Variants in CAST observed in about 807,000 individuals in gnomAD.
The protein encoded by CAST is MIR583 host.
CAST carries 76 observed loss-of-function variants against 119.6 expected under a neutral mutation model. The observed-to-expected ratio is 0.64, with a 90% CI of 0.53 to 0.77. The LOEUF is 0.77. Among genes scored for constraint, CAST ranks in the 30% least tolerant of loss-of-function variants. The pLI is 0.00. For missense variants in CAST, 953 were observed against 946.5 expected, an observed-to-expected ratio of 1.01 and a Z score of -0.09; for synonymous variants, 319 against 331.6, an observed-to-expected ratio of 0.96 and a Z score of 0.41.
At chr5:96,159,604 T>C in the CAST span, among the ~76,000 whole-genome samples, 1 of 152,174 alleles carries the variant, frequency 6.6e-6, no homozygotes, top group Admixed American at 6.5e-5. Flanking sequence ...ATAATGCAGA[T>C]TTTTGTTTTT....
At chr5:96,512,420 A>C in the CAST span, among the ~76,000 whole-genome samples, 12 of 152,362 alleles carry the variant, frequency 7.9e-5, no homozygotes, top group South Asian at 2.5e-3. Context: ...GCTCTAAGAC[A>C]TAAGTCCTAG....
At chr5:96,426,669 G>A in the CAST span, among the ~76,000 whole-genome samples, 1 of 152,154 alleles carries the variant, frequency 6.6e-6, no homozygotes, top group Non-Finnish European at 1.5e-5. Flanking sequence ...TATTCATTAT[G>A]AGATAATTCT....
the CAST span, among the ~76,000 whole-genome samples, chr5:96,360,165 C>T: frequency 1.3e-5 from 2 of 151,910 alleles, no homozygotes; most frequent in African/African-American, 4.8e-5. Flanking sequence ...AGTTCTCATG[C>T]TATGTTTTTA....
upstream of CAST, among the ~76,000 whole-genome samples, chr5:96,521,977 G>C (rs184550919): frequency 2.6e-5 from 4 of 152,090 alleles, no homozygotes; most frequent in South Asian, 8.3e-4. Flanking sequence ...TTAGCCAGGC[G>C]TGGTGGCGGG....
the CAST span, among the ~76,000 whole-genome samples, chr5:96,517,396 C>G: frequency 1.3e-5 from 2 of 152,058 alleles, no homozygotes; most frequent in Admixed American, 6.6e-5. Flanking sequence ...AATCAGGAGA[C>G]GTTTCAAATA....
the CAST span, among the ~76,000 whole-genome samples, chr5:96,001,024 AG>A: frequency 1.3e-5 from 2 of 152,152 alleles, no homozygotes; most frequent in Non-Finnish European, 2.9e-5. Flanking sequence ...CAAGAAACTT[AG>A]AGTTGGGACT....
At chr5:96,243,742 A>C in the CAST span, among the ~76,000 whole-genome samples, 3 of 152,128 alleles carry the variant, frequency 2.0e-5, no homozygotes, top group African/African-American at 7.2e-5. Flanking sequence ...TTGTCTGTGG[A>C]CATCTGCGGA....
At chr5:96,497,962 C>T in the CAST span, among the ~76,000 whole-genome samples, 1 of 152,160 alleles carries the variant, frequency 6.6e-6, no homozygotes. Flanking sequence ...ATGGTATTGC[C>T]TAGGTTTTCT....
chr5:96,201,951 TA>T, the CAST span, among the ~76,000 whole-genome samples: 3 of 147,684 alleles, frequency 2.0e-5, no homozygotes, highest in Non-Finnish European at 3.0e-5. Context: ...TAAGATGAAA[TA>T]AAAATAAAAT....
At chr5:96,336,371 G>A in the CAST span, among the ~76,000 whole-genome samples, 1 of 152,164 alleles carries the variant, frequency 6.6e-6, no homozygotes, top group East Asian at 1.9e-4. Context: ...TGCTTAGGGA[G>A]AGAGGGAAAA....
the CAST span, among the ~76,000 whole-genome samples, chr5:96,326,921 C>T: frequency 1.3e-5 from 2 of 152,064 alleles, no homozygotes; most frequent in Non-Finnish European, 2.9e-5. Flanking sequence ...GTGTTTTTAT[C>T]CGTCTGCTCA....
At chr5:96,748,706 TAGAA>T in intron 19 of CAST, 93 bp downstream of exon 19, 1 of 633,890 alleles carries the variant, frequency 1.6e-6, no homozygotes, top group Admixed American at 2.9e-5. Context: ...AGCAGTCTGT[TAGAA>T]AGCCCAATAT....
chr5:95,991,591 T>A, the CAST span, among the ~76,000 whole-genome samples: 55 of 145,344 alleles, frequency 3.8e-4, 1 homozygote, highest in South Asian at 0.013. Flanking sequence ...CTGTAACCTC[T>A]GCCTCCAGGG....
At chr5:96,226,781 A>G in the CAST span, among the ~76,000 whole-genome samples, 1 of 152,056 alleles carries the variant, frequency 6.6e-6, no homozygotes, top group Non-Finnish European at 1.5e-5. Flanking sequence ...CACTTGTTCT[A>G]CCCAACAGCC....
intron 1 of CAST, among the ~76,000 whole-genome samples, chr5:96,646,224 TG>T (rs1221067692): frequency 6.6e-6 from 1 of 152,230 alleles, no homozygotes. Flanking sequence ...CTGTCCAAAA[TG>T]TTGTAATTAT....
chr5:96,338,968 G>C, the CAST span, among the ~76,000 whole-genome samples: 24 of 152,210 alleles, frequency 1.6e-4, no homozygotes, highest in African/African-American at 5.8e-4. Context: ...TTGGCTCATG[G>C]GCACTCTGCT....
At chr5:96,079,772 T>A in the CAST span, among the ~76,000 whole-genome samples, 1 of 152,222 alleles carries the variant, frequency 6.6e-6, no homozygotes, top group South Asian at 2.1e-4. Flanking sequence ...GTTATTATTA[T>A]TTTTAACTTA....
At chr5:96,684,227 T>C (rs1751783212) in intron 2 of CAST, among the ~76,000 whole-genome samples, 1 of 152,230 alleles carries the variant, frequency 6.6e-6, no homozygotes, top group Admixed American at 6.5e-5. Context: ...AGACCATCCA[T>C]ATGTAGTGTC....
At chr5:96,609,096 C>T (rs1346182917) in intron 1 of CAST, among the ~76,000 whole-genome samples, 2 of 152,238 alleles carry the variant, frequency 1.3e-5, no homozygotes, top group Non-Finnish European at 2.9e-5. Context: ...AGACAGACAT[C>T]ACCCTTCTTA....
Sources: gnomAD v4.1 joint callset for allele counts (sites outside exome capture counted in the v4.1 genomes callset) on GRCh38, gnomAD v4.1.1 for gene constraint, MANE v1.5 for transcripts, NCBI Gene and HGNC (gene_info 2026-07-23, HGNC 2026-07-21) for gene names.